Variants in RIMS2 observed in about 807,000 individuals in gnomAD.
RIMS2 encodes regulating synaptic membrane exocytosis 2, also known as regulating synaptic membrane exocytosis protein 2.
In RIMS2, 59 loss-of-function variants were observed where a neutral mutation model predicts 174.4. The observed-to-expected ratio is 0.34, with a 90% CI of 0.27 to 0.42. The LOEUF (loss-of-function observed/expected upper bound fraction) is 0.42. Among genes scored for constraint, RIMS2 ranks in the 10% least tolerant of loss-of-function variants. RIMS2 has a pLI of 1.00. For missense variants in RIMS2, 1,620 were observed against 1,666.3 expected, an observed-to-expected ratio of 0.97 and a Z score of 0.48; for synonymous variants, 606 against 572.5, an observed-to-expected ratio of 1.06 and a Z score of -0.84.
intron 1 of RIMS2, among the ~76,000 whole-genome samples, chr8:103,547,545 C>T (rs1007089469): frequency 1.3e-5 from 2 of 152,106 alleles, no homozygotes; most frequent in African/African-American, 4.8e-5. Context: ...TAAATGTTCA[C>T]ATAAAAACAT....
At chr8:104,229,333 A>G (rs1052958022) in intron 19 of RIMS2, among the ~76,000 whole-genome samples, 57 of 152,136 alleles carry the variant, frequency 3.7e-4, no homozygotes. Context: ...AATGTTTTTG[A>G]TTGGGGAGGA....
intron 1 of RIMS2, among the ~76,000 whole-genome samples, chr8:103,516,343 C>CT (rs1828941166): frequency 6.6e-6 from 1 of 152,018 alleles, no homozygotes; most frequent in Non-Finnish European, 1.5e-5. Flanking sequence ...ACTTCAATAA[C>CT]TAAAATTTCA....
chr8:104,223,306 C>T (rs2099164630), intron 19 of RIMS2: 3 of 932,014 alleles, frequency 3.2e-6, no homozygotes, highest in Non-Finnish European at 3.9e-6. Context: ...GCATCAGCGG[C>T]ATCTCCCTGC....
At chr8:103,765,512 T>C (rs983101396) in intron 2 of RIMS2, among the ~76,000 whole-genome samples, 1 of 152,204 alleles carries the variant, frequency 6.6e-6, no homozygotes, top group Non-Finnish European at 1.5e-5. Flanking sequence ...TGGCAAATTT[T>C]ATGTTGTGTC....
intron 1 of RIMS2, among the ~76,000 whole-genome samples, chr8:103,691,146 G>C (rs1228210121): frequency 6.6e-6 from 1 of 152,042 alleles, no homozygotes; most frequent in Non-Finnish European, 1.5e-5. Context: ...TTGGGAGTTT[G>C]ATTATTAAAT....
intron 19 of RIMS2, among the ~76,000 whole-genome samples, chr8:104,169,296 G>C (rs1337512625): frequency 9.1e-6 from 1 of 109,424 alleles, no homozygotes; most frequent in Non-Finnish European, 1.9e-5. Context: ...GACTTTTTTT[G>C]TTGTTGGCTA....
chr8:103,509,543 G>T (rs1198362471), intron 1 of RIMS2, among the ~76,000 whole-genome samples: 1 of 152,080 alleles, frequency 6.6e-6, no homozygotes, highest in Non-Finnish European at 1.5e-5. Flanking sequence ...TTATGGAAAT[G>T]ACATGTGGAA....
At chr8:103,871,017 C>T (rs2099108907) in intron 3 of RIMS2, among the ~76,000 whole-genome samples, 1 of 152,152 alleles carries the variant, frequency 6.6e-6, no homozygotes, top group Non-Finnish European at 1.5e-5. Flanking sequence ...ATTTTGATCC[C>T]AATTTCAATT....
chr8:103,809,585 G>A (rs1233143906), intron 3 of RIMS2, among the ~76,000 whole-genome samples: 6 of 152,036 alleles, frequency 3.9e-5, no homozygotes, highest in African/African-American at 1.4e-4. Flanking sequence ...CTTGTTGAGT[G>A]AATGAGTGAA....
intron 19 of RIMS2, among the ~76,000 whole-genome samples, chr8:104,160,986 A>T (rs1429402512): frequency 6.6e-6 from 1 of 152,148 alleles, no homozygotes; most frequent in Non-Finnish European, 1.5e-5. Flanking sequence ...CAATTCTGCC[A>T]CCTGGGCAAG....
At chr8:103,533,452 G>A (rs1169593634) in intron 1 of RIMS2, among the ~76,000 whole-genome samples, 4 of 151,976 alleles carry the variant, frequency 2.6e-5, no homozygotes, top group Non-Finnish European at 4.4e-5. Context: ...AGTCAGTGTG[G>A]AACAATTAGT....
At chr8:103,816,590 C>T (rs1044460725) in intron 3 of RIMS2, among the ~76,000 whole-genome samples, 1 of 152,022 alleles carries the variant, frequency 6.6e-6, no homozygotes, top group African/African-American at 2.4e-5. Context: ...TTAGGTCAGA[C>T]AAAGTCTTTC....
chr8:104,025,720 C>G (rs992310200), intron 19 of RIMS2, among the ~76,000 whole-genome samples: 6 of 151,876 alleles, frequency 4.0e-5, no homozygotes, highest in African/African-American at 1.2e-4. Context: ...CACACACACA[C>G]ACACACACAC....
intron 1 of RIMS2, among the ~76,000 whole-genome samples, chr8:103,680,624 A>T (rs549144747): frequency 6.6e-6 from 1 of 152,168 alleles, no homozygotes; most frequent in East Asian, 1.9e-4. Context: ...ATGTTCAACT[A>T]TGTATATATA....
chr8:103,586,003 G>A (rs887742808), intron 1 of RIMS2, among the ~76,000 whole-genome samples: 1 of 150,574 alleles, frequency 6.6e-6, no homozygotes, highest in East Asian at 1.9e-4. Flanking sequence ...GACAAAGAAG[G>A]TTGCTATAAA....
intron 19 of RIMS2, among the ~76,000 whole-genome samples, chr8:104,183,966 G>A (rs914617173): frequency 1.3e-5 from 2 of 151,484 alleles, no homozygotes; most frequent in African/African-American, 2.4e-5. Flanking sequence ...AGATTATGGA[G>A]GTTTTCGAGG....
intron 19 of RIMS2, among the ~76,000 whole-genome samples, chr8:104,116,082 A>C (rs370787159): frequency 6.6e-6 from 1 of 152,198 alleles, no homozygotes; most frequent in South Asian, 2.1e-4. Flanking sequence ...GAAACTGCTC[A>C]TATGTTTTAG....
intron 2 of RIMS2, among the ~76,000 whole-genome samples, chr8:103,700,384 C>A (rs143436498): frequency 7.8e-4 from 118 of 151,804 alleles, no homozygotes; most frequent in African/African-American, 2.7e-3. Flanking sequence ...GTATATAGAC[C>A]AAGTACTCTC....
chr8:104,142,932 AT>A (rs1425827017), intron 19 of RIMS2, among the ~76,000 whole-genome samples: 3 of 152,150 alleles, frequency 2.0e-5, no homozygotes, highest in Non-Finnish European at 4.4e-5. Flanking sequence ...TAAACTTTAA[AT>A]TTCTGTCATC....
Sources: gnomAD v4.1 joint callset for allele counts (sites outside exome capture counted in the v4.1 genomes callset) on GRCh38, gnomAD v4.1.1 for gene constraint, MANE v1.5 for transcripts, NCBI Gene and HGNC (gene_info 2026-07-23, HGNC 2026-07-21) for gene names.